Variants in METTL16 observed in about 807,000 individuals in gnomAD.
METTL16 encodes the protein RNA N(6)-adenosine-methyltransferase METTL16.
Under a neutral mutation model 57.9 loss-of-function variants are expected in METTL16, and 19 were observed. That is an observed-to-expected ratio of 0.33 (90% CI 0.23 to 0.48). The LOEUF is 0.48. Ranked by LOEUF, METTL16 falls within the 20% of genes least tolerant of loss-of-function variation. The probability of loss-of-function intolerance (pLI) is 0.99; values close to 1 mark genes in which losing one functional copy is unlikely to be tolerated. For synonymous variants in METTL16, 246 were observed against 255.6 expected, an observed-to-expected ratio of 0.96 and a Z score of 0.36; for missense variants, 434 against 691.5, an observed-to-expected ratio of 0.63 and a Z score of 4.18.
intron 2 of METTL16, among the ~76,000 whole-genome samples, chr17:2,492,441 C>A (rs539705005): frequency 1.3e-5 from 2 of 152,018 alleles, no homozygotes; most frequent in Non-Finnish European, 2.9e-5. Context: ...CTTACTTATA[C>A]CAGGCTTAAC....
rs372763290 is a variant in METTL16 at position 2,420,078 on chromosome 17, G to A, written c.1581C>T (p.Asp527=). 1.7e-5 allele frequency: 27 copies of A among 1,614,020 alleles called. No homozygotes were observed. Among genetic ancestry groups the A allele is most frequent in the African/African-American group, 2.7e-5 (2 of 74,900 alleles). The change falls in exon 10 of 10, where the codon GAC becomes GAT. Residue 527 remains aspartate, a synonymous_variant. Coordinates refer to ENST00000263092, the MANE Select transcript of METTL16 (RefSeq NM_024086.4). The surrounding 1 kb of genome is among the most constrained non-coding windows in gnomAD (Gnocchi z 5.4). ...KCLINVKKEV[D]DALVEMHWVE... is the part of the protein sequence containing the mutation. The stretch of plus-strand genomic sequence containing the variant: ...CCCAGTGCATCTCCACTAAGGCATC[G>A]TCCACCTCCTTCTTAACGTTTATCA...
intron 2 of METTL16, among the ~76,000 whole-genome samples, chr17:2,486,934 G>A (rs1180577808): frequency 6.8e-6 from 1 of 147,860 alleles, no homozygotes; most frequent in Non-Finnish European, 1.5e-5. Context: ...AGCCTGGGAG[G>A]TGGAGGCTGC....
intron 8 of METTL16, among the ~76,000 whole-genome samples, chr17:2,428,527 CAAAAAAAAAAAAAAAAAAAAAAAAAA>C (rs533793602): frequency 1.4e-4 from 3 of 21,076 alleles, no homozygotes; most frequent in African/African-American, 3.5e-4. Flanking sequence ...GACTCCGTCT[CAAAAAAAAAAAAAAAAAAAAAAAAAA>C]AAAAAAAAAA....
At chr17:2,509,081 C>T (rs527982654) in intron 1 of METTL16, among the ~76,000 whole-genome samples, 197 of 152,328 alleles carry the variant, frequency 1.3e-3, no homozygotes, top group African/African-American at 3.0e-3. Flanking sequence ...CCCATCTACA[C>T]GCTTTCAAAG....
At chr17:2,421,145 G>A (rs1021084039) in intron 8 of METTL16, among the ~76,000 whole-genome samples, 31 of 152,164 alleles carry the variant, frequency 2.0e-4, no homozygotes, top group African/African-American at 7.2e-4. Flanking sequence ...CTTGAGCCCA[G>A]GAGTTTGAGA....
At chr17:2,446,857 G>A (rs1307745781) in intron 6 of METTL16, among the ~76,000 whole-genome samples, 1 of 152,240 alleles carries the variant, frequency 6.6e-6, no homozygotes, top group South Asian at 2.1e-4. Context: ...TGCCGGGATT[G>A]CGGATGGAGT....
Position 2,484,251 on chromosome 17 carries a change from A to T in METTL16, c.129-6366T>A, listed in dbSNP as rs188346009. ...TTCAAAATATTTATAAGGAATAGCT[A>T]TTGGTACTACTCAAAATGCCAGTCC... is the stretch of plus-strand genomic sequence containing the variant. On this transcript the variant is annotated intron_variant, in intron 2 of 9. Transcript: ENST00000263092. 5.9e-5 allele frequency among the ~76,000 whole-genome samples: 9 copies of T among 152,336 alleles called. No individual in the cohort carries two copies. The East Asian group carries it at 1.5e-3, about 26-fold the overall frequency.
chr17:2,483,462 T>C (rs929966386), intron 2 of METTL16, among the ~76,000 whole-genome samples: 3 of 152,180 alleles, frequency 2.0e-5, no homozygotes, highest in Non-Finnish European at 4.4e-5. Context: ...ATGCTAGCAA[T>C]TAAAAGTCTC....
At chr17:2,468,867 G>A (rs181532805) in intron 4 of METTL16, among the ~76,000 whole-genome samples, 1 of 152,166 alleles carries the variant, frequency 6.6e-6, no homozygotes, top group African/African-American at 2.4e-5. Context: ...CGGCATGGAT[G>A]ACAGAGTGAG....
intron 7 of METTL16, among the ~76,000 whole-genome samples, chr17:2,440,399 C>A (rs1349901092): frequency 6.6e-6 from 1 of 152,014 alleles, no homozygotes; most frequent in East Asian, 1.9e-4. Flanking sequence ...CAGGCGCGTG[C>A]CACCATGCCC....
chr17:2,432,634 C>T (rs2066881788), intron 8 of METTL16, among the ~76,000 whole-genome samples: 1 of 152,000 alleles, frequency 6.6e-6, no homozygotes, highest in Admixed American at 6.6e-5. Context: ...TCGCCAAGGT[C>T]TGAGTTTTCA....
At chr17:2,472,892 C>A (rs1003551585) in intron 4 of METTL16, among the ~76,000 whole-genome samples, 3 of 151,904 alleles carry the variant, frequency 2.0e-5, no homozygotes, top group African/African-American at 7.3e-5. Context: ...GGCAGTGAAA[C>A]GATTCTGTGT....
intron 2 of METTL16, among the ~76,000 whole-genome samples, chr17:2,485,150 C>A (rs1021461659): frequency 1.3e-5 from 2 of 152,130 alleles, no homozygotes; most frequent in African/African-American, 4.8e-5. Context: ...CAGATCAGCG[C>A]AGCATTAGAT....
intron 2 of METTL16, among the ~76,000 whole-genome samples, chr17:2,492,338 C>T (rs1020575175): frequency 5.9e-5 from 9 of 152,162 alleles, no homozygotes; most frequent in African/African-American, 1.9e-4. Context: ...AAAACACAAA[C>T]TAAAATCTAA....
At chr17:2,424,697 C>A (rs1291078792) in intron 8 of METTL16, among the ~76,000 whole-genome samples, 1 of 151,996 alleles carries the variant, frequency 6.6e-6, no homozygotes, top group Non-Finnish European at 1.5e-5. Flanking sequence ...GCCTGTAATC[C>A]CAGCATTTTG....
chr17:2,489,732 C>CAAAAAA (rs61506042), intron 2 of METTL16, among the ~76,000 whole-genome samples: 4 of 60,330 alleles, frequency 6.6e-5, no homozygotes, highest in South Asian at 9.0e-4. Context: ...GAGCGAGACT[C>CAAAAAA]AAAAAAAAAA....
intron 6 of METTL16, among the ~76,000 whole-genome samples, chr17:2,457,551 T>C (rs1257640237): frequency 6.6e-6 from 1 of 150,852 alleles, no homozygotes; most frequent in African/African-American, 2.4e-5. Context: ...CTACTAAAAA[T>C]ACAAAAATTA....
In METTL16 at chr17:2,420,687, G is replaced by T. The variant is rs1278989696; in HGVS notation, c.1062+44C>A. On this transcript the variant is annotated intron_variant, in intron 9 of 9. Coordinates refer to ENST00000263092, the MANE Select transcript of METTL16 (RefSeq NM_024086.4). This position sits in a 1 kb window ranked among gnomAD's most constrained non-coding sequence, Gnocchi z 5.4. ...AAAAAAAAAGAAAAAAGAAAAAAGA[G>T]AAGGATCATTATGAGTACTTCGTCA... 2 of 1,566,094 alleles carry T rather than the reference G, an allele frequency of 1.3e-6. No homozygotes were observed. The highest frequency in any genetic ancestry group is 2.2e-5 in the East Asian group (1 of 44,516).
chr17:2,472,974 C>T (rs373606463), intron 4 of METTL16, among the ~76,000 whole-genome samples: 11 of 151,964 alleles, frequency 7.2e-5, no homozygotes, highest in East Asian at 5.8e-4. Flanking sequence ...AAGAGGAAAC[C>T]GTAATGTAAA....
Sources: gnomAD v4.1 joint callset for allele counts (sites outside exome capture counted in the v4.1 genomes callset) on GRCh38, gnomAD v4.1.1 for gene constraint, Gnocchi (gnomAD v3.1) non-coding constraint, MANE v1.5 for transcripts, NCBI Gene and HGNC (gene_info 2026-07-23, HGNC 2026-07-21) for gene names.